The following DMD variants were observed in gnomAD, a reference collection of about 807,000 sequenced individuals.
DMD encodes the protein mutant dystrophin.
Under a neutral mutation model 330.1 loss-of-function variants are expected in DMD, and 63 were observed. That is an observed-to-expected ratio of 0.19 (90% confidence interval 0.16 to 0.24). The LOEUF (loss-of-function observed/expected upper bound fraction) is 0.24. DMD is among the 10% of genes least tolerant of loss of function. DMD has a pLI of 1.00. For synonymous variants in DMD, 1,223 were observed against 959.8 expected, an observed-to-expected ratio of 1.27 and a Z score of -5.07; for missense variants, 3,344 against 2,684.1, an observed-to-expected ratio of 1.25 and a Z score of -5.43.
Position 32,653,622 on chromosome X carries a change from G to T in DMD, c.961-8470C>A, listed in dbSNP as rs188126076. ...CTCCAGCTTTGTTCTTTTGGCTTAGGATTGACCTGGCAATGTGGGCTCTTT... is the reference window on the plus strand; with the variant it reads ...CTCCAGCTTTGTTCTTTTGGCTTAGTATTGACCTGGCAATGTGGGCTCTTT... On this transcript the variant is annotated intron_variant, in intron 9 of 78. Coordinates refer to ENST00000357033, the MANE Select transcript of DMD (RefSeq NM_004006.3). 1.3e-3 allele frequency among the ~76,000 whole-genome samples: 143 copies of T among 111,935 alleles called. 1 individual carries two copies. The highest frequency in any genetic ancestry group is 4.5e-3 in the African/African-American group (139 of 30,792).
intron 5 of DMD, among the ~76,000 whole-genome samples, chrX:32,821,341 T>C (rs2078224851): frequency 9.0e-6 from 1 of 110,862 alleles, no homozygotes; most frequent in African/African-American, 3.3e-5. Context: ...TCCCAGCACT[T>C]TGGGAGGCCG....
At chrX:33,302,734 G>A (rs2053684607) in intron 1 of DMD, among the ~76,000 whole-genome samples, 1 of 111,071 alleles carries the variant, frequency 9.0e-6, no homozygotes, top group Non-Finnish European at 1.9e-5. Context: ...CCCACCAGAC[G>A]GGTACATTTG....
intron 7 of DMD, among the ~76,000 whole-genome samples, chrX:32,700,271 G>A (rs775750359): frequency 3.3e-4 from 37 of 111,259 alleles, no homozygotes; most frequent in Non-Finnish European, 6.2e-4. Context: ...CATTGAGACA[G>A]CATGTGTAAA....
intron 51 of DMD, among the ~76,000 whole-genome samples, chrX:31,762,762 C>T (rs139693377): frequency 0.024 from 2,585 of 109,620 alleles, 82 homozygotes; most frequent in African/African-American, 0.082. Context: ...AATGCTGTCA[C>T]GCATAGCTAA....
chrX:31,453,312 C>G (rs763464282), intron 59 of DMD, among the ~76,000 whole-genome samples: 1 of 110,894 alleles, frequency 9.0e-6, no homozygotes, highest in Admixed American at 9.6e-5. Context: ...CAGGTGTGCA[C>G]CACCACGCCC....
chrX:31,923,293 G>A (rs1442383921), intron 47 of DMD, among the ~76,000 whole-genome samples: 1 of 111,401 alleles, frequency 9.0e-6, no homozygotes, highest in African/African-American at 3.3e-5. Flanking sequence ...AAACTGTTTA[G>A]CAACTATAAA....
At chrX:31,609,134 CT>C (rs77518056) in intron 55 of DMD, among the ~76,000 whole-genome samples, 1 of 110,151 alleles carries the variant, frequency 9.1e-6, no homozygotes, top group African/African-American at 3.3e-5. Context: ...GAGAATCTTA[CT>C]TTTTTTTTCC....
At chrX:31,501,874 G>T (rs1233592325) in intron 56 of DMD, among the ~76,000 whole-genome samples, 1 of 111,136 alleles carries the variant, frequency 9.0e-6, no homozygotes, top group Non-Finnish European at 1.9e-5. Context: ...GAAAGAAAAG[G>T]GAGGAATGCA....
chrX:32,201,186 G>A (rs968870859), intron 44 of DMD, among the ~76,000 whole-genome samples: 18 of 111,913 alleles, frequency 1.6e-4, no homozygotes, highest in South Asian at 3.7e-4. Flanking sequence ...TAAATTTGGC[G>A]CAGTTAAGAG....
In DMD at chrX:31,879,688, T is replaced by G. The variant is rs188953504; in HGVS notation, c.6913-4315A>C. ...GTGGAAATCAAGAACTTTTAACACA[T>G]ATTTTTTTTGTGCTCTTCTGCACTT... On this transcript the variant is annotated intron_variant, in intron 47 of 78. Transcript: ENST00000357033. 1.3e-4 allele frequency among the ~76,000 whole-genome samples: 14 copies of G among 111,917 alleles called. No individual in the cohort carries two copies. In the East Asian group the frequency reaches 3.7e-3, roughly 29 times the overall value.
intron 29 of DMD, among the ~76,000 whole-genome samples, chrX:32,430,769 C>G (rs1274356730): frequency 9.0e-6 from 1 of 111,563 alleles, no homozygotes; most frequent in Non-Finnish European, 1.9e-5. Context: ...ATTAGTTTGA[C>G]TGTATTAGAT....
chrX:33,015,984 C>A (rs1258914176), intron 2 of DMD, among the ~76,000 whole-genome samples: 1 of 111,022 alleles, frequency 9.0e-6, no homozygotes, highest in Non-Finnish European at 1.9e-5. Context: ...ATAGAGCCAG[C>A]GCCCTTAAAC....
At chrX:32,696,532 G>C (rs1441245475) in intron 9 of DMD, among the ~76,000 whole-genome samples, 1 of 112,045 alleles carries the variant, frequency 8.9e-6, no homozygotes, top group South Asian at 3.7e-4. Context: ...AGAATGAGCA[G>C]AGCCTAGCAA....
intron 44 of DMD, among the ~76,000 whole-genome samples, chrX:32,139,959 T>C (rs1899719613): frequency 8.9e-6 from 1 of 112,390 alleles, no homozygotes; most frequent in African/African-American, 3.2e-5. Flanking sequence ...AGTTGCTATA[T>C]CAACAGGATT....
intron 55 of DMD, chrX:31,508,270 C>T: frequency 8.3e-7 from 1 of 1,201,717 alleles, no homozygotes; most frequent in Non-Finnish European, 1.1e-6. Flanking sequence ...CAGCACTGAT[C>T]CTGTTGCATA....
chrX:32,286,910 A>G (rs1364548100), intron 43 of DMD, among the ~76,000 whole-genome samples: 1 of 112,037 alleles, frequency 8.9e-6, no homozygotes, highest in Non-Finnish European at 1.9e-5. Context: ...TTAATCTAAA[A>G]ATGTAAAAGA....
In DMD at chrX:31,120,873, C is replaced by CAATT; in HGVS notation, c.*1045_*1046insAATT. The CAATT allele has an allele frequency of 9.2e-6, 1 of 108,641 alleles. No homozygotes were observed. The highest frequency in any genetic ancestry group is 9.7e-5 in the Admixed American group (1 of 10,288). The allele number at this position is 108,641 out of a possible 1,213,427, so 9.0% of individuals were successfully genotyped here. ...GCAGCAGGAAGCTGAATGTATCAATCAATCAATCAATCAACCAACCAACCG... is the reference window on the plus strand; with the variant it reads ...GCAGCAGGAAGCTGAATGTATCAATCAATTAATCAATCAATCAACCAACCAACCG... On this transcript the variant is annotated 3_prime_UTR_variant, in exon 79 of 79. Coordinates refer to ENST00000357033, the MANE Select transcript of DMD (RefSeq NM_004006.3).
chrX:32,208,367 G>A (rs901237190), intron 44 of DMD, among the ~76,000 whole-genome samples: 5 of 111,903 alleles, frequency 4.5e-5, no homozygotes, highest in Non-Finnish European at 7.5e-5. Flanking sequence ...AAATGGTTAT[G>A]TTCTGCAGGC....
intron 62 of DMD, among the ~76,000 whole-genome samples, chrX:31,319,785 C>G (rs1046968120): frequency 8.9e-6 from 1 of 112,247 alleles, no homozygotes; most frequent in African/African-American, 3.2e-5. Flanking sequence ...TTTTGACAGT[C>G]CAGAATACAG....
Sources: allele counts gnomAD v4.1 joint callset (sites outside exome capture counted in the v4.1 genomes callset), GRCh38; gene constraint gnomAD v4.1.1; transcripts MANE v1.5; gene names NCBI Gene and HGNC (gene_info 2026-07-23, HGNC 2026-07-21).